The following GPC5 variants were observed in gnomAD, a reference collection of about 807,000 sequenced individuals.
The protein encoded by GPC5 is glypican 5.
Under a neutral mutation model 53.9 loss-of-function variants are expected in GPC5, and 47 were observed. That is an observed-to-expected ratio of 0.87 (90% CI 0.69 to 1.11). The LOEUF is 1.11. Ranked by LOEUF, GPC5 falls within the 50% of genes most tolerant of loss-of-function variation. GPC5 has a pLI of 0.00. For synonymous variants in GPC5, 286 were observed against 263.3 expected (o/e 1.09, Z -0.84); for missense variants, 748 against 713.1 (o/e 1.05, Z -0.56).
At chr13:92,136,448 T>A (rs2041785289) in intron 6 of GPC5, among the ~76,000 whole-genome samples, 2 of 152,170 alleles carry the variant, frequency 1.3e-5, no homozygotes, top group Admixed American at 6.5e-5. Flanking sequence ...TACCTTCAGT[T>A]TTCTGGTTTG....
intron 2 of GPC5, among the ~76,000 whole-genome samples, chr13:91,571,838 C>CG (rs377443060): frequency 0.041 from 2,530 of 61,076 alleles, 291 homozygotes; most frequent in African/African-American, 0.086. Flanking sequence ...TACACATATA[C>CG]TTGTGTGTAT....
At chr13:91,413,703 A>T (rs1877979908) in intron 1 of GPC5, among the ~76,000 whole-genome samples, 2 of 151,862 alleles carry the variant, frequency 1.3e-5, no homozygotes, top group South Asian at 4.2e-4. Context: ...AACAATAGTC[A>T]CTCTCACTGT....
chr13:92,694,043 G>A (rs1410137753), intron 7 of GPC5, among the ~76,000 whole-genome samples: 1 of 152,154 alleles, frequency 6.6e-6, no homozygotes, highest in Non-Finnish European at 1.5e-5. Context: ...GTGCAACTGG[G>A]GCTGTTGCTT....
intron 2 of GPC5, among the ~76,000 whole-genome samples, chr13:91,535,643 G>A (rs576422613): frequency 8.5e-5 from 13 of 152,078 alleles, no homozygotes; most frequent in African/African-American, 2.4e-4. Context: ...CAGAAAACTC[G>A]TCTTTTAATG....
At chr13:92,093,101 G>A (rs1255882368) in intron 6 of GPC5, among the ~76,000 whole-genome samples, 1 of 152,092 alleles carries the variant, frequency 6.6e-6, no homozygotes, top group Non-Finnish European at 1.5e-5. Flanking sequence ...CTAACATTTA[G>A]TTTTCCATTG....
intron 6 of GPC5, among the ~76,000 whole-genome samples, chr13:92,132,598 C>T (rs888537250): frequency 2.0e-5 from 3 of 151,946 alleles, no homozygotes; most frequent in East Asian, 1.9e-4. Context: ...TTTGTGTCTC[C>T]GTATAGTCTT....
chr13:91,771,985 C>T (rs1187514830), intron 5 of GPC5, among the ~76,000 whole-genome samples: 2 of 152,140 alleles, frequency 1.3e-5, no homozygotes, highest in African/African-American at 4.8e-5. Context: ...GTAGTTACTG[C>T]ACTGTCCTAC....
chr13:92,009,185 C>T (rs1452997582), intron 6 of GPC5, among the ~76,000 whole-genome samples: 3 of 150,286 alleles, frequency 2.0e-5, no homozygotes, highest in African/African-American at 7.3e-5. Flanking sequence ...TTTTCTTCTT[C>T]TTGGCATATA....
chr13:91,747,745 A>G (rs1313908774), intron 4 of GPC5, among the ~76,000 whole-genome samples: 2 of 152,098 alleles, frequency 1.3e-5, no homozygotes, highest in Non-Finnish European at 2.9e-5. Context: ...CTATCTAAAG[A>G]TTTATTCAAC....
intron 2 of GPC5, among the ~76,000 whole-genome samples, chr13:91,680,219 G>T (rs560101343): frequency 6.6e-6 from 1 of 152,194 alleles, no homozygotes; most frequent in Admixed American, 6.6e-5. Context: ...GGGAGGCCGA[G>T]GGGGGCAGAT....
chr13:92,804,604 A>G (rs1877025381), intron 7 of GPC5, among the ~76,000 whole-genome samples: 1 of 151,992 alleles, frequency 6.6e-6, no homozygotes, highest in Admixed American at 6.6e-5. Flanking sequence ...TTTTGCCTCC[A>G]TTTGATGGCA....
chr13:91,479,764 A>G (rs896036082), intron 2 of GPC5, among the ~76,000 whole-genome samples: 1 of 152,154 alleles, frequency 6.6e-6, no homozygotes, highest in African/African-American at 2.4e-5. Flanking sequence ...CAGCATACCT[A>G]CCAATACTAA....
chr13:92,068,884 A>G (rs1038239028), intron 6 of GPC5, among the ~76,000 whole-genome samples: 1 of 151,850 alleles, frequency 6.6e-6, no homozygotes, highest in African/African-American at 2.4e-5. Context: ...ATAATATTAT[A>G]AGCATAATAT....
chr13:91,444,874 C>T (rs1285520054), intron 1 of GPC5, among the ~76,000 whole-genome samples: 1 of 152,132 alleles, frequency 6.6e-6, no homozygotes, highest in Non-Finnish European at 1.5e-5. Context: ...CCCCGCTTTA[C>T]TTGTAGGGGA....
intron 2 of GPC5, among the ~76,000 whole-genome samples, chr13:91,509,533 C>A (rs1376045910): frequency 6.6e-6 from 1 of 151,350 alleles, no homozygotes; most frequent in South Asian, 2.1e-4. Context: ...TGATTAATAA[C>A]CTAATTTTAG....
chr13:91,739,952 C>T (rs1480204714), intron 4 of GPC5, among the ~76,000 whole-genome samples: 1 of 151,272 alleles, frequency 6.6e-6, no homozygotes. Flanking sequence ...AACTTACAGG[C>T]AATGACTGAC....
intron 7 of GPC5, among the ~76,000 whole-genome samples, chr13:92,615,771 C>T (rs1274465755): frequency 2.0e-5 from 3 of 152,100 alleles, no homozygotes; most frequent in African/African-American, 4.8e-5. Context: ...CTTCCCCTAC[C>T]AGGCTGGGCG....
intron 7 of GPC5, among the ~76,000 whole-genome samples, chr13:92,172,589 T>C (rs1422985962): frequency 6.6e-6 from 1 of 152,210 alleles, no homozygotes; most frequent in East Asian, 1.9e-4. Flanking sequence ...CAAGTGCTCA[T>C]AGTCACAATA....
intron 6 of GPC5, among the ~76,000 whole-genome samples, chr13:92,070,108 G>T (rs1594751746): frequency 1.3e-5 from 2 of 152,228 alleles, no homozygotes; most frequent in Admixed American, 6.5e-5. Flanking sequence ...AAATGTTAGC[G>T]CTGCTGGAGA....
Sources: gnomAD v4.1 joint callset for allele counts (sites outside exome capture counted in the v4.1 genomes callset) on GRCh38, gnomAD v4.1.1 for gene constraint, MANE v1.5 for transcripts, NCBI Gene and HGNC (gene_info 2026-07-23, HGNC 2026-07-21) for gene names.